The following GPATCH2 variants were observed in gnomAD, a reference collection of about 807,000 sequenced individuals.
GPATCH2 encodes G patch domain-containing protein 2.
A neutral mutation model predicts 58.0 loss-of-function variants in GPATCH2; 51 were observed. That is an observed-to-expected ratio of 0.88 (90% CI 0.70 to 1.11). GPATCH2 has a LOEUF of 1.11. Among genes scored for constraint, GPATCH2 ranks in the 50% most tolerant of loss-of-function variants. GPATCH2 has a pLI of 0.00. For synonymous variants in GPATCH2, 222 were observed against 218.5 expected (o/e 1.02, Z -0.14); for missense variants, 625 against 652.2 (o/e 0.96, Z 0.45).
At chr1:217,604,344 CAA>C (rs199867558) in intron 5 of GPATCH2, among the ~76,000 whole-genome samples, 17 of 102,442 alleles carry the variant, frequency 1.7e-4, no homozygotes, top group African/African-American at 1.5e-4. Context: ...GACTCCATCT[CAA>C]AAAAAAAAAA....
chr1:217,562,523 T>C (rs866307011), intron 5 of GPATCH2, among the ~76,000 whole-genome samples: 25 of 152,026 alleles, frequency 1.6e-4, no homozygotes, highest in Admixed American at 7.2e-4. Context: ...GTTTTAAGGA[T>C]AGAAAGAGAA....
Position 217,430,987 on chromosome 1 carries a change from A to G in GPATCH2, c.*158T>C. On this transcript the variant is annotated 3_prime_UTR_variant, in exon 10 of 10. Transcript: ENST00000366935. ...GCACCATGAATTGTGATGAAATCCC[A>G]TTTCTCTCACTATGGCAGGACTGTA... 1 of 620,664 alleles carries G rather than the reference A, an allele frequency of 1.6e-6. No individual in the cohort carries two copies. Among genetic ancestry groups the G allele is most frequent in the African/African-American group, 1.8e-5 (1 of 54,554 alleles). The allele number at this position is 620,664 out of a possible 1,614,324, so 38.4% of individuals were successfully genotyped here.
At chr1:217,527,625 C>T (rs1280178742) in intron 5 of GPATCH2, among the ~76,000 whole-genome samples, 1 of 152,080 alleles carries the variant, frequency 6.6e-6, no homozygotes, top group Non-Finnish European at 1.5e-5. Flanking sequence ...AAACAAAACC[C>T]TCTCTTGTTC....
In GPATCH2 at chr1:217,487,781, C is replaced by T. The variant is rs142727655; in HGVS notation, c.1277+3899G>A. Among the ~76,000 whole-genome samples the T allele has an allele frequency of 5.1e-3, 767 of 149,422 alleles. 6 individuals carry two copies. Among genetic ancestry groups the T allele is most frequent in the African/African-American group, 0.018 (741 of 40,514 alleles). On this transcript the variant is annotated intron_variant, in intron 8 of 9. Coordinates refer to ENST00000366935, the MANE Select transcript of GPATCH2 (RefSeq NM_018040.5). ...TTTTGGAGACTGAGTCTCACTCTGTCGCCCAGGCTGTAGTGCAGTGGCGTG... is the reference window on the plus strand; with the variant it reads ...TTTTGGAGACTGAGTCTCACTCTGTTGCCCAGGCTGTAGTGCAGTGGCGTG...
chr1:217,551,055 T>C (rs923634151), intron 5 of GPATCH2, among the ~76,000 whole-genome samples: 16 of 151,592 alleles, frequency 1.1e-4, no homozygotes, highest in Admixed American at 7.9e-4. Context: ...AAATAATATT[T>C]TAATCAAAAT....
chr1:217,474,218 G>A (rs1245945969), intron 8 of GPATCH2, among the ~76,000 whole-genome samples: 2 of 152,188 alleles, frequency 1.3e-5, no homozygotes, highest in East Asian at 1.9e-4. Flanking sequence ...TAGGAAAAGA[G>A]AGAAGTATAG....
At chr1:217,448,838 T>C (rs907769724) in intron 9 of GPATCH2, among the ~76,000 whole-genome samples, 1 of 152,216 alleles carries the variant, frequency 6.6e-6, no homozygotes. Flanking sequence ...CAGGTGTCCA[T>C]CTCCTACCAC....
chr1:217,626,310 G>T lies in GPATCH2; in HGVS notation c.56+4606C>A, dbSNP rs553866169. ...TACTAACACACAGTACATAGTCAAG[G>T]ACTATGCTGCTGAATGTTATAAACT... On this transcript the variant is annotated intron_variant, in intron 1 of 9. Transcript: ENST00000366935. Among the ~76,000 whole-genome samples, 7 of 152,202 alleles carry T rather than the reference G, an allele frequency of 4.6e-5. No individual in the cohort carries two copies. In the South Asian group the frequency reaches 1.5e-3, roughly 32 times the overall value.
At chr1:217,467,550 G>T (rs1400627642) in intron 8 of GPATCH2, among the ~76,000 whole-genome samples, 1 of 152,020 alleles carries the variant, frequency 6.6e-6, no homozygotes, top group African/African-American at 2.4e-5. Context: ...GTGTATGGTG[G>T]GGTAAATAAA....
intron 4 of GPATCH2, 128 bp downstream of exon 4, chr1:217,610,761 C>A: frequency 1.6e-6 from 1 of 626,802 alleles, no homozygotes; most frequent in South Asian, 2.2e-5. Context: ...TATTAGTGGC[C>A]AATATGTTTC....
chr1:217,505,039 G>T (rs748977936), intron 6 of GPATCH2, among the ~76,000 whole-genome samples: 8 of 152,170 alleles, frequency 5.3e-5, no homozygotes, highest in Non-Finnish European at 1.0e-4. Context: ...TTCATGGAGA[G>T]ACTAACAGTG....
rs548818945 is a variant in GPATCH2, at chr1:217,460,771, T to C, written c.1278-11434A>G. ...GCAGTTTATTAATCATACTGACAAA[T>C]TGAATTCAATGGAAAAAGTCCGCTC... On this transcript the variant is annotated intron_variant, in intron 8 of 9. Coordinates refer to ENST00000366935, the MANE Select transcript of GPATCH2 (RefSeq NM_018040.5). Among the ~76,000 whole-genome samples, 280 of 152,338 alleles carry C rather than the reference T, an allele frequency of 1.8e-3. 1 individual carries two copies. The highest frequency in any genetic ancestry group is 6.4e-3 in the African/African-American group (267 of 41,586).
intron 5 of GPATCH2, among the ~76,000 whole-genome samples, chr1:217,535,387 G>T (rs929142539): frequency 6.6e-6 from 1 of 152,164 alleles, no homozygotes; most frequent in African/African-American, 2.4e-5. Context: ...TTATTATTAT[G>T]ATTTTTTTTT....
rs772275567 is a variant in GPATCH2 at position 217,620,543 on chromosome 1, C to A, written c.57-44G>T. 6.5e-6 allele frequency: 7 copies of A among 1,070,172 alleles called. No individual in the cohort carries two copies. In the African/African-American group the frequency reaches 1.1e-4, roughly 17 times the overall value. The allele number at this position is 1,070,172 out of a possible 1,614,324, so 66.3% of individuals were successfully genotyped here. ...GAAAAAAGAAAATAGTCAGTCTTAA[C>A]CACAGTAACCTCATTTTCTATAACA... On this transcript the variant is annotated intron_variant, in intron 1 of 9. Transcript: ENST00000366935.
intron 5 of GPATCH2, among the ~76,000 whole-genome samples, chr1:217,519,383 CAT>C (rs1486841949): frequency 1.3e-5 from 2 of 151,944 alleles, no homozygotes; most frequent in East Asian, 1.9e-4. Context: ...AACATACAAA[CAT>C]GTAAAAATTA....
intron 5 of GPATCH2, among the ~76,000 whole-genome samples, chr1:217,599,830 T>G (rs1434714396): frequency 1.3e-5 from 2 of 152,194 alleles, no homozygotes; most frequent in African/African-American, 4.8e-5. Context: ...ATAAAGTATT[T>G]TTGTGAATTG....
chr1:217,629,726 A>G (rs1325357945), intron 1 of GPATCH2, among the ~76,000 whole-genome samples: 3 of 152,206 alleles, frequency 2.0e-5, no homozygotes, highest in African/African-American at 4.8e-5. Context: ...ATTTCATTCT[A>G]TGCTAGTTAT....
At chr1:217,596,694 G>T (rs1485211471) in intron 5 of GPATCH2, among the ~76,000 whole-genome samples, 1 of 151,958 alleles carries the variant, frequency 6.6e-6, no homozygotes, top group African/African-American at 2.4e-5. Context: ...TGAAAATATA[G>T]GTATGATTTA....
chr1:217,493,334 C>T (rs1330733257), intron 7 of GPATCH2, among the ~76,000 whole-genome samples: 1 of 152,122 alleles, frequency 6.6e-6, no homozygotes, highest in Non-Finnish European at 1.5e-5. Flanking sequence ...ATTATGCTTC[C>T]TCCTACCCCA....
Sources: allele counts gnomAD v4.1 joint callset (sites outside exome capture counted in the v4.1 genomes callset), GRCh38; gene constraint gnomAD v4.1.1; transcripts MANE v1.5; gene names NCBI Gene and HGNC (gene_info 2026-07-23, HGNC 2026-07-21).